The following DNAH6 variants were observed in gnomAD, a reference collection of about 807,000 sequenced individuals.
DNAH6 encodes the protein dynein axonemal heavy chain 6.
In DNAH6, 340 loss-of-function variants were observed where a neutral mutation model predicts 491.4. The observed-to-expected ratio is 0.69, with a 90% CI of 0.63 to 0.76. The LOEUF is 0.76. Ranked by LOEUF, DNAH6 falls within the 30% of genes least tolerant of loss-of-function variation. The pLI is 0.00. For missense variants in DNAH6, 4,443 were observed against 4,972.2 expected (o/e 0.89, Z 3.20); for synonymous variants, 1,603 against 1,686.1 (o/e 0.95, Z 1.21).
chr2:84,666,128 A>G (rs1267661877), intron 37 of DNAH6, among the ~76,000 whole-genome samples: 1 of 152,178 alleles, frequency 6.6e-6, no homozygotes, highest in East Asian at 1.9e-4. Flanking sequence ...ATTTATGACA[A>G]ACCCACAGCC....
chr2:84,797,589 T>A lies in DNAH6; in HGVS notation c.11412T>A (p.Ile3804=), dbSNP rs1420798653. The A allele has an allele frequency of 2.6e-6, 4 of 1,551,726 alleles. No homozygotes were observed. The highest frequency in any genetic ancestry group is 3.5e-6 in the Non-Finnish European group (4 of 1,146,866). Reference sequence around the variant, plus strand: ...GCCTACAAGAGTTTAAGGACTACATTGAAAATCTGCCTTTGATCGATGACC... The same window carrying A: ...GCCTACAAGAGTTTAAGGACTACATAGAAAATCTGCCTTTGATCGATGACC... ...ADSLQEFKDY[I]ENLPLIDDPE... The change falls in exon 70 of 77, where the codon ATT becomes ATA. Residue 3804 remains isoleucine, a synonymous_variant. Coordinates refer to ENST00000389394, the MANE Select transcript of DNAH6 (RefSeq NM_001370.2).
At chr2:84,709,167 G>A (rs956566599) in intron 54 of DNAH6, among the ~76,000 whole-genome samples, 176 bp from the exon 55 acceptor site, 2 of 152,184 alleles carry the variant, frequency 1.3e-5, no homozygotes, top group Non-Finnish European at 2.9e-5. Flanking sequence ...GAGTACCTAG[G>A]CCTCCTGATT....
chr2:84,715,266 T>C (rs894964584), intron 57 of DNAH6, among the ~76,000 whole-genome samples: 3 of 152,160 alleles, frequency 2.0e-5, no homozygotes, highest in African/African-American at 7.2e-5. Context: ...ACCCAAGCTA[T>C]CAATTCCAAA....
intron 75 of DNAH6, among the ~76,000 whole-genome samples, chr2:84,814,418 G>T (rs1329463687): frequency 1.3e-5 from 2 of 152,060 alleles, no homozygotes; most frequent in Non-Finnish European, 2.9e-5. Context: ...TAAAAGCAAG[G>T]GTTTAAAAAC....
chr2:84,724,161 C>G (rs1285837651), intron 60 of DNAH6, among the ~76,000 whole-genome samples: 1 of 152,168 alleles, frequency 6.6e-6, no homozygotes. Flanking sequence ...CACAACTCAG[C>G]CAACGAAGGC....
chr2:84,616,106 A>G (rs1378872289), intron 22 of DNAH6, among the ~76,000 whole-genome samples: 1 of 152,044 alleles, frequency 6.6e-6, no homozygotes, highest in East Asian at 1.9e-4. Context: ...GTGTCTTATC[A>G]TGTGGTCTAT....
chr2:84,524,050 G>A (rs1044409577), intron 2 of DNAH6, among the ~76,000 whole-genome samples: 1 of 151,946 alleles, frequency 6.6e-6, no homozygotes, highest in African/African-American at 2.4e-5. Context: ...ATGGAGTGTT[G>A]AAGTCTCCAA....
At chr2:84,504,744 A>C in the DNAH6 span, among the ~76,000 whole-genome samples, 1 of 152,154 alleles carries the variant, frequency 6.6e-6, no homozygotes, top group Non-Finnish European at 1.5e-5. Flanking sequence ...ACATTACCAC[A>C]CTGTTTTGAT....
chr2:84,482,566 G>T, the DNAH6 span, among the ~76,000 whole-genome samples: 1 of 152,204 alleles, frequency 6.6e-6, no homozygotes, highest in Non-Finnish European at 1.5e-5. Context: ...GCAGCCTTAA[G>T]ACAGTCCGAG....
chr2:84,634,721 G>A (rs980470289), intron 30 of DNAH6, 80 bp downstream of exon 30: 1 of 1,386,354 alleles, frequency 7.2e-7, no homozygotes, highest in Non-Finnish European at 9.4e-7. Flanking sequence ...ATTTTAGGAA[G>A]GAGATGCTAA....
intron 63 of DNAH6, among the ~76,000 whole-genome samples, chr2:84,754,160 A>C (rs1451159890): frequency 6.6e-6 from 1 of 151,006 alleles, no homozygotes. Flanking sequence ...GTGTGAAGTA[A>C]GAGTCCAACA....
At chr2:84,591,102 T>A (rs1029879514) in intron 16 of DNAH6, among the ~76,000 whole-genome samples, 1 of 152,202 alleles carries the variant, frequency 6.6e-6, no homozygotes, top group African/African-American at 2.4e-5. Context: ...TCCAATGTGA[T>A]ACATTATCAG....
chr2:84,618,480 A>T (rs1005856247), intron 23 of DNAH6, among the ~76,000 whole-genome samples: 1 of 152,114 alleles, frequency 6.6e-6, no homozygotes, highest in Non-Finnish European at 1.5e-5. Flanking sequence ...CTTTTCCCTG[A>T]TGCAGGGATA....
chr2:84,786,296 C>T (rs1487550666), intron 67 of DNAH6, among the ~76,000 whole-genome samples: 2 of 151,900 alleles, frequency 1.3e-5, no homozygotes, highest in Non-Finnish European at 2.9e-5. Flanking sequence ...CATGGTGGCA[C>T]ACACCTGTAG....
intron 11 of DNAH6, among the ~76,000 whole-genome samples, chr2:84,569,452 C>T (rs1418933266): frequency 6.6e-6 from 1 of 151,968 alleles, no homozygotes; most frequent in Non-Finnish European, 1.5e-5. Context: ...TGACTATTTT[C>T]TGAGTATACC....
intron 68 of DNAH6, among the ~76,000 whole-genome samples, chr2:84,787,593 G>A (rs757283776): frequency 1.3e-5 from 2 of 152,112 alleles, no homozygotes; most frequent in Non-Finnish European, 2.9e-5. Flanking sequence ...AGAATTAGCA[G>A]ATTTAATCCT....
the DNAH6 span, among the ~76,000 whole-genome samples, chr2:84,502,750 A>G: frequency 1.3e-5 from 2 of 152,010 alleles, no homozygotes; most frequent in Non-Finnish European, 2.9e-5. Flanking sequence ...TTATATACTG[A>G]CCTTCCTTGT....
intron 11 of DNAH6, among the ~76,000 whole-genome samples, chr2:84,568,363 T>C (rs1681433249): frequency 6.6e-6 from 1 of 152,156 alleles, no homozygotes; most frequent in Non-Finnish European, 1.5e-5. Flanking sequence ...ATGTGATATA[T>C]ATATACCGTG....
At chr2:84,465,221 C>A in the DNAH6 span, among the ~76,000 whole-genome samples, 2 of 152,152 alleles carry the variant, frequency 1.3e-5, no homozygotes, top group Admixed American at 1.3e-4. Context: ...TCAGGCTGGG[C>A]GTGGTGGCTA....
Sources: allele counts gnomAD v4.1 joint callset (sites outside exome capture counted in the v4.1 genomes callset), GRCh38; gene constraint gnomAD v4.1.1; transcripts MANE v1.5; gene names NCBI Gene and HGNC (gene_info 2026-07-23, HGNC 2026-07-21).